Variants in ASTN2 observed in about 807,000 individuals in gnomAD.
ASTN2 encodes the protein astrotactin-2.
A neutral mutation model predicts 139.8 loss-of-function variants in ASTN2; 54 were observed. That is an observed-to-expected ratio of 0.39 (90% CI 0.31 to 0.48). The LOEUF is 0.48. Among genes scored for constraint, ASTN2 ranks in the 20% least tolerant of loss-of-function variants. ASTN2 has a pLI of 0.95. For synonymous variants in ASTN2, 756 were observed against 719.5 expected, an observed-to-expected ratio of 1.05 and a Z score of -0.81; for missense variants, 1,565 against 1,725.1, an observed-to-expected ratio of 0.91 and a Z score of 1.64.
intron 10 of ASTN2, among the ~76,000 whole-genome samples, chr9:116,955,343 T>C (rs114272447): frequency 0.025 from 3,759 of 152,286 alleles, 132 homozygotes; most frequent in African/African-American, 0.086. Context: ...CTCTAAATAG[T>C]CCCAGATGGA....
At chr9:117,063,570 C>T (rs1033785874) in intron 5 of ASTN2, among the ~76,000 whole-genome samples, 5 of 152,184 alleles carry the variant, frequency 3.3e-5, no homozygotes, top group Non-Finnish European at 7.4e-5. Context: ...TCCAATTAAA[C>T]CCTTTTTCCT....
chr9:116,446,272 T>TAGAGAGAGAGAGAGAGAGAGAG lies in ASTN2; in HGVS notation c.3498-3741_3498-3720dup, dbSNP rs3040241. Among the ~76,000 whole-genome samples, 48 of 119,120 alleles carry TAGAGAGAGAGAGAGAGAGAGAG rather than the reference T, an allele frequency of 4.0e-4. 3 individuals are homozygous for TAGAGAGAGAGAGAGAGAGAGAG. The highest frequency in any genetic ancestry group is 7.9e-4 in the African/African-American group (24 of 30,320). The allele number at this position is 119,120 out of a possible 152,430, so 78.1% of individuals were successfully genotyped here. A position where few individuals can be genotyped will look rare whatever the true frequency, so the allele number is the denominator to read the frequency against. On this transcript the variant is annotated intron_variant, in intron 20 of 22. Transcript: ENST00000313400. ...GGGGAGAGGGAGAGAGAGAGAGAGA[T>TAGAGAGAGAGAGAGAGAGAGAG]AGAGAGAGAGAGAGAGAGAGAGAGA...
intron 10 of ASTN2, among the ~76,000 whole-genome samples, chr9:116,950,364 G>A (rs1835523661): frequency 6.6e-6 from 1 of 152,164 alleles, no homozygotes; most frequent in African/African-American, 2.4e-5. Context: ...TGAGAAGTGG[G>A]TAGAAAATGA....
intron 10 of ASTN2, among the ~76,000 whole-genome samples, chr9:116,933,595 T>G (rs147420302): frequency 5.2e-4 from 79 of 152,132 alleles, no homozygotes; most frequent in African/African-American, 1.9e-3. Context: ...AAAATGGAGA[T>G]GGCAACCCCT....
chr9:116,764,424 C>G (rs955493518), intron 13 of ASTN2, among the ~76,000 whole-genome samples: 1 of 152,158 alleles, frequency 6.6e-6, no homozygotes, highest in Non-Finnish European at 1.5e-5. Context: ...TGTAGGGCAG[C>G]TGAACTTCTT....
At chr9:116,776,090 T>G (rs920008621) in intron 13 of ASTN2, among the ~76,000 whole-genome samples, 1 of 152,164 alleles carries the variant, frequency 6.6e-6, no homozygotes, top group East Asian at 1.9e-4. Context: ...AATCCTTGCA[T>G]GGCTTGCATC....
chr9:117,307,440 C>T lies in ASTN2; in HGVS notation c.443-15927G>A, dbSNP rs575383931. Among the ~76,000 whole-genome samples, 3 of 152,340 alleles carry T rather than the reference C, an allele frequency of 2.0e-5. No individual in the cohort carries two copies. In the South Asian group the frequency reaches 6.2e-4, roughly 32 times the overall value. Reference sequence around the variant, plus strand: ...ATTTCTGTATGTGTGCACATTGATGCATTCCATGACACACGTAAACTTGCA... The same window carrying T: ...ATTTCTGTATGTGTGCACATTGATGTATTCCATGACACACGTAAACTTGCA... On this transcript the variant is annotated intron_variant, in intron 1 of 22. Transcript: ENST00000313400.
intron 5 of ASTN2, among the ~76,000 whole-genome samples, chr9:117,045,703 A>T (rs1463584656): frequency 6.6e-6 from 1 of 152,196 alleles, no homozygotes; most frequent in Non-Finnish European, 1.5e-5. Context: ...ATCACATTTT[A>T]TAATGAAAAA....
chr9:117,409,895 A>G (rs114067492), intron 1 of ASTN2, among the ~76,000 whole-genome samples: 1 of 152,146 alleles, frequency 6.6e-6, no homozygotes, highest in African/African-American at 2.4e-5. Flanking sequence ...ACATTTGCTG[A>G]CCTGAACAAG....
intron 5 of ASTN2, among the ~76,000 whole-genome samples, chr9:117,070,149 G>A (rs979738720): frequency 8.1e-4 from 110 of 135,880 alleles, no homozygotes; most frequent in African/African-American, 3.0e-3. Flanking sequence ...GGCTGGTACC[G>A]GTTGTTCCTT....
intron 11 of ASTN2, among the ~76,000 whole-genome samples, chr9:116,848,063 G>A (rs1335938627): frequency 6.6e-6 from 1 of 152,162 alleles, no homozygotes; most frequent in Non-Finnish European, 1.5e-5. Flanking sequence ...TGGGTTCAAG[G>A]CGCTGGGAGG....
At chr9:117,331,907 T>C (rs1828722411) in intron 1 of ASTN2, among the ~76,000 whole-genome samples, 1 of 152,142 alleles carries the variant, frequency 6.6e-6, no homozygotes, top group Non-Finnish European at 1.5e-5. Flanking sequence ...TCCTCTCTCC[T>C]CAACAACCCT....
chr9:116,501,708 G>C (rs1333740423), intron 19 of ASTN2, among the ~76,000 whole-genome samples: 4 of 151,928 alleles, frequency 2.6e-5, no homozygotes, highest in Admixed American at 2.6e-4. Context: ...GTTGTGGGGT[G>C]GGGGCAGGGG....
chr9:116,946,936 C>CAAAAAA lies in ASTN2; in HGVS notation c.1889+28266_1889+28271dup, dbSNP rs3983292. On this transcript the variant is annotated intron_variant, in intron 10 of 22. Transcript: ENST00000313400. ...AGTGGCCACAAGTACACATTTTTGT[C>CAAAAAA]AAAAAAAAAAAAAAACAACCCAGAT... is the stretch of plus-strand genomic sequence containing the variant. Among the ~76,000 whole-genome samples the CAAAAAA allele has an allele frequency of 5.2e-4, 66 of 127,878 alleles. 7 individuals are homozygous for CAAAAAA. Among genetic ancestry groups the CAAAAAA allele is most frequent in the African/African-American group, 8.6e-4 (28 of 32,674 alleles). The allele number at this position is 127,878 out of a possible 152,430, so 83.9% of individuals were successfully genotyped here.
At chr9:117,251,150 T>G (rs552026654) in intron 2 of ASTN2, among the ~76,000 whole-genome samples, 1 of 152,268 alleles carries the variant, frequency 6.6e-6, no homozygotes, top group African/African-American at 2.4e-5. Flanking sequence ...TGAAGTTACT[T>G]GCTCAAGGTC....
At chr9:116,622,042 C>G (rs1031765931) in intron 17 of ASTN2, among the ~76,000 whole-genome samples, 43 of 152,128 alleles carry the variant, frequency 2.8e-4, no homozygotes, top group African/African-American at 1.0e-3. Flanking sequence ...TCCTATTTTT[C>G]ATTTCTTTCA....
At chr9:116,644,883 G>A (rs1857512177) in intron 17 of ASTN2, among the ~76,000 whole-genome samples, 1 of 152,112 alleles carries the variant, frequency 6.6e-6, no homozygotes, top group Admixed American at 6.5e-5. Flanking sequence ...CAGTGCCAAA[G>A]GGGACCTTGG....
intron 1 of ASTN2, among the ~76,000 whole-genome samples, chr9:117,369,069 C>A (rs1829924207): frequency 6.6e-6 from 1 of 152,136 alleles, no homozygotes; most frequent in African/African-American, 2.4e-5. Context: ...AAGCACAGGC[C>A]AGCCTGGATT....
intron 3 of ASTN2, among the ~76,000 whole-genome samples, chr9:117,146,374 T>A (rs1830195721): frequency 6.7e-6 from 1 of 150,258 alleles, no homozygotes. Flanking sequence ...TTGTCAAGCT[T>A]AATGGTAATA....
Sources: gnomAD v4.1 joint callset for allele counts (sites outside exome capture counted in the v4.1 genomes callset) on GRCh38, gnomAD v4.1.1 for gene constraint, MANE v1.5 for transcripts, NCBI Gene and HGNC (gene_info 2026-07-23, HGNC 2026-07-21) for gene names.